RBFOX1: variants seen among roughly 807,000 people sequenced by gnomAD.
The protein encoded by RBFOX1 is RNA binding fox-1 homolog 1, also known as RNA binding protein fox-1 homolog 1.
RBFOX1 carries 8 observed loss-of-function variants against 57.7 expected under a neutral mutation model. The observed-to-expected ratio is 0.14, with a 90% CI of 0.08 to 0.25. The LOEUF (loss-of-function observed/expected upper bound fraction) is 0.25, where lower values mean the gene tolerates loss of function less well. RBFOX1 is among the 10% of genes least tolerant of loss of function. The probability of loss-of-function intolerance (pLI) is 1.00; values close to 1 mark genes in which losing one functional copy is unlikely to be tolerated. For missense variants in RBFOX1, 611 were observed against 548.5 expected (o/e 1.11, Z -1.14); for synonymous variants, 326 against 222.4 (o/e 1.47, Z -4.15).
intron 4 of RBFOX1, among the ~76,000 whole-genome samples, chr16:7,135,215 G>A (rs528497897): frequency 6.6e-6 from 1 of 152,226 alleles, no homozygotes; most frequent in African/African-American, 2.4e-5. Flanking sequence ...GACCAATTAA[G>A]TTTCAGCCCT....
At chr16:5,936,174 A>T (rs1214684862) in intron 4 of RBFOX1, among the ~76,000 whole-genome samples, 1 of 152,148 alleles carries the variant, frequency 6.6e-6, no homozygotes, top group Non-Finnish European at 1.5e-5. Flanking sequence ...CCCAGGCTGG[A>T]GTGCCGTGGC....
At chr16:7,029,272 ACG>A in intron 3 of RBFOX1, among the ~76,000 whole-genome samples, 1 of 138,332 alleles carries the variant, frequency 7.2e-6, no homozygotes, top group Non-Finnish European at 1.5e-5. Context: ...ATATACGTAT[ACG>A]TATATATATA....
At chr16:7,297,112 G>C (rs1000781112) in intron 4 of RBFOX1, among the ~76,000 whole-genome samples, 1 of 152,186 alleles carries the variant, frequency 6.6e-6, no homozygotes, top group Non-Finnish European at 1.5e-5. Flanking sequence ...CAAGGGAGAA[G>C]ACACTGTCTG....
chr16:5,867,407 G>C (rs1056782942), intron 4 of RBFOX1: 1 of 938,042 alleles, frequency 1.1e-6, no homozygotes, highest in South Asian at 5.5e-5. Context: ...GGAGTGTAAC[G>C]AGCATTCTAG....
At chr16:6,637,564 T>TCTAGTATATATAGAATAG (rs756936561) in intron 2 of RBFOX1, among the ~76,000 whole-genome samples, 1 of 128,474 alleles carries the variant, frequency 7.8e-6, no homozygotes, top group African/African-American at 3.0e-5. Flanking sequence ...ATATATAATA[T>TCTAGTATATATAGAATAG]TCTATATAGT....
intron 4 of RBFOX1, among the ~76,000 whole-genome samples, chr16:7,059,915 A>T (rs941135826): frequency 3.9e-5 from 6 of 152,190 alleles, no homozygotes; most frequent in Admixed American, 3.9e-4. Context: ...ATGAAAACTA[A>T]ATGCTTTGGA....
At chr16:7,159,151 C>T (rs1360025879) in intron 4 of RBFOX1, among the ~76,000 whole-genome samples, 10 of 152,252 alleles carry the variant, frequency 6.6e-5, no homozygotes, top group Admixed American at 4.6e-4. Flanking sequence ...TTTTTCTCTG[C>T]ATACTGCCCT....
intron 4 of RBFOX1, among the ~76,000 whole-genome samples, chr16:7,281,354 A>C (rs962842680): frequency 1.3e-5 from 2 of 151,654 alleles, no homozygotes; most frequent in Non-Finnish European, 2.9e-5. Context: ...TTTAGCATAC[A>C]TTTGGAGGCA....
intron 4 of RBFOX1, among the ~76,000 whole-genome samples, chr16:7,393,592 C>G (rs761164027): frequency 1.3e-5 from 2 of 152,040 alleles, no homozygotes; most frequent in South Asian, 2.1e-4. Flanking sequence ...GGTAATGAAT[C>G]AGGATAAGGC....
chr16:5,825,356 G>A (rs958395166), intron 3 of RBFOX1, among the ~76,000 whole-genome samples: 2 of 152,152 alleles, frequency 1.3e-5, no homozygotes, highest in African/African-American at 4.8e-5. Context: ...CACATCTTTT[G>A]CAGATTCCAC....
At chr16:6,769,076 C>G (rs949592067) in intron 3 of RBFOX1, among the ~76,000 whole-genome samples, 17 of 152,086 alleles carry the variant, frequency 1.1e-4, no homozygotes, top group Non-Finnish European at 1.5e-4. Flanking sequence ...GGCTGTGTCC[C>G]CACCCAAATC....
intron 1 of RBFOX1, among the ~76,000 whole-genome samples, chr16:5,359,142 C>T (rs1266522461): frequency 6.6e-6 from 1 of 152,186 alleles, no homozygotes; most frequent in Non-Finnish European, 1.5e-5. Flanking sequence ...AATGTCAGGA[C>T]CTCATTCTTT....
intron 2 of RBFOX1, among the ~76,000 whole-genome samples, chr16:6,474,497 G>A (rs1422843647): frequency 1.3e-5 from 2 of 152,166 alleles, no homozygotes; most frequent in African/African-American, 4.8e-5. Flanking sequence ...AGGCAATTAA[G>A]ACAAAATGGG....
chr16:7,458,180 G>A (rs1052700711), intron 4 of RBFOX1, among the ~76,000 whole-genome samples: 8 of 152,280 alleles, frequency 5.3e-5, no homozygotes, highest in Admixed American at 3.3e-4. Context: ...TACTGCCAGA[G>A]CCATATGCAT....
chr16:6,949,670 C>T (rs567574238), intron 3 of RBFOX1, among the ~76,000 whole-genome samples: 1 of 152,096 alleles, frequency 6.6e-6, no homozygotes, highest in African/African-American at 2.4e-5. Flanking sequence ...ACCTTATGAC[C>T]TCCTTTGACC....
rs538519373 is a variant in RBFOX1, at chr16:6,215,485, A to G, written c.-126-101510A>G. Among the ~76,000 whole-genome samples the G allele has an allele frequency of 3.3e-5, 5 of 152,080 alleles. No individual in the cohort carries two copies. The East Asian group carries it at 9.7e-4, about 29-fold the overall frequency. The stretch of plus-strand genomic sequence containing the variant: ...GGGAGAGGGGGAGAGGGAGAGAAGG[A>G]GACAGAGTGTGCATGCCCATATTTT... On this transcript the variant is annotated intron_variant, in intron 1 of 15. Coordinates refer to ENST00000550418, the MANE Select transcript of RBFOX1 (RefSeq NM_018723.4).
At chr16:5,459,941 T>C (rs1298157040) in intron 1 of RBFOX1, among the ~76,000 whole-genome samples, 1 of 152,182 alleles carries the variant, frequency 6.6e-6, no homozygotes, top group African/African-American at 2.4e-5. Flanking sequence ...CCGAGTTCTT[T>C]ATGACAAAGC....
chr16:6,781,739 C>G (rs1243197595), intron 3 of RBFOX1, among the ~76,000 whole-genome samples: 1 of 151,916 alleles, frequency 6.6e-6, no homozygotes, highest in Non-Finnish European at 1.5e-5. Context: ...TCTAATTTAC[C>G]TTTGAATTTC....
At chr16:6,700,600 G>A (rs1259948262) in intron 3 of RBFOX1, among the ~76,000 whole-genome samples, 3 of 152,118 alleles carry the variant, frequency 2.0e-5, no homozygotes, top group Non-Finnish European at 4.4e-5. Flanking sequence ...AGAGGTTGCA[G>A]TGAGCTGAGA....
Sources: gnomAD v4.1 joint callset for allele counts (sites outside exome capture counted in the v4.1 genomes callset) on GRCh38, gnomAD v4.1.1 for gene constraint, MANE v1.5 for transcripts, NCBI Gene and HGNC (gene_info 2026-07-23, HGNC 2026-07-21) for gene names.